The following ROBO1 variants were observed in gnomAD, a reference collection of about 807,000 sequenced individuals.
ROBO1 encodes the protein roundabout guidance receptor 1.
ROBO1 carries 149 observed loss-of-function variants against 195.9 expected under a neutral mutation model. The observed-to-expected ratio is 0.76, with a 90% CI of 0.67 to 0.87. ROBO1 has a LOEUF of 0.87. Among genes scored for constraint, ROBO1 ranks in the 40% least tolerant of loss-of-function variants. The pLI, the probability that ROBO1 is intolerant of heterozygous loss-of-function variation, is 0.00. For missense variants in ROBO1, 1,933 were observed against 2,068.3 expected, an observed-to-expected ratio of 0.93 and a Z score of 1.27; for synonymous variants, 816 against 733.2, an observed-to-expected ratio of 1.11 and a Z score of -1.82.
intron 1 of ROBO1, among the ~76,000 whole-genome samples, chr3:79,703,043 G>A (rs949218525): frequency 6.6e-6 from 1 of 151,868 alleles, no homozygotes; most frequent in Admixed American, 6.6e-5. Context: ...AGGAACCTTA[G>A]CATTGGCATC....
At chr3:79,301,691 AT>A (rs2032965208) in intron 2 of ROBO1, among the ~76,000 whole-genome samples, 1 of 152,234 alleles carries the variant, frequency 6.6e-6, no homozygotes, top group Admixed American at 6.5e-5. Flanking sequence ...GGAAGGAAAT[AT>A]ATAGTAAATA....
rs554966023 is a variant in ROBO1 at position 78,625,732 on chromosome 3, T to C, written c.3875+1589A>G. On this transcript the variant is annotated intron_variant, in intron 26 of 30. Transcript: ENST00000464233. Reference sequence around the variant, plus strand: ...ATCATGGCAGAAAGCATAAGTATGATACAAACTGAGAAGTCTTTACATTTG... The same window carrying C: ...ATCATGGCAGAAAGCATAAGTATGACACAAACTGAGAAGTCTTTACATTTG... Among the ~76,000 whole-genome samples the C allele has an allele frequency of 5.9e-5, 9 of 152,330 alleles. No homozygotes were observed. The East Asian group carries it at 1.7e-3, about 29-fold the overall frequency.
intron 21 of ROBO1, among the ~76,000 whole-genome samples, chr3:78,644,229 C>A (rs1273122639): frequency 6.6e-6 from 1 of 152,010 alleles, no homozygotes; most frequent in East Asian, 1.9e-4. Context: ...TTTATTTTTT[C>A]CGTAGCATTT....
chr3:78,985,889 C>T (rs1305994040), intron 3 of ROBO1, among the ~76,000 whole-genome samples: 2 of 152,066 alleles, frequency 1.3e-5, no homozygotes, highest in African/African-American at 4.8e-5. Context: ...CAAATATCAG[C>T]TATACAGAGT....
At position 79,124,591 on chromosome 3, in the gene ROBO1, C is replaced by T. The variant is rs577557656; in HGVS notation, c.172+865G>A. ...CTACCCCACCTCATACACACACAACCTATCCACACAGCTCACAACTTAGCA... is the reference window on the plus strand; with the variant it reads ...CTACCCCACCTCATACACACACAACTTATCCACACAGCTCACAACTTAGCA... On this transcript the variant is annotated intron_variant, in intron 3 of 30. Coordinates refer to ENST00000464233, the MANE Select transcript of ROBO1 (RefSeq NM_002941.4). Among the ~76,000 whole-genome samples, 4 of 152,236 alleles carry T rather than the reference C, an allele frequency of 2.6e-5. No individual in the cohort carries two copies. In the East Asian group the frequency reaches 7.7e-4, roughly 29 times the overall value.
chr3:78,763,687 G>A (rs2083159795), intron 4 of ROBO1, among the ~76,000 whole-genome samples: 1 of 151,910 alleles, frequency 6.6e-6, no homozygotes, highest in Admixed American at 6.6e-5. Context: ...TCTTATGTTA[G>A]TCTTTGAAAA....
At chr3:78,898,630 CT>C in intron 4 of ROBO1, among the ~76,000 whole-genome samples, 1 of 151,716 alleles carries the variant, frequency 6.6e-6, no homozygotes, top group East Asian at 1.9e-4. Context: ...ACCTCGTGAT[CT>C]GCCCACCTCG....
intron 3 of ROBO1, among the ~76,000 whole-genome samples, chr3:79,009,205 C>G (rs1326068729): frequency 1.3e-5 from 2 of 150,348 alleles, no homozygotes; most frequent in Middle Eastern, 3.2e-3. Flanking sequence ...CCACCCGCCT[C>G]AGCCTCCCAA....
At chr3:79,565,001 T>G (rs1207535154) in intron 2 of ROBO1, among the ~76,000 whole-genome samples, 3 of 152,108 alleles carry the variant, frequency 2.0e-5, no homozygotes, top group Non-Finnish European at 4.4e-5. Context: ...AAAATACAGA[T>G]TTCAATTCAA....
intron 4 of ROBO1, among the ~76,000 whole-genome samples, chr3:78,815,437 T>C (rs976681203): frequency 6.6e-6 from 1 of 152,096 alleles, no homozygotes; most frequent in Non-Finnish European, 1.5e-5. Flanking sequence ...AAAGTTCTAG[T>C]GATCTACATA....
chr3:78,788,217 G>A (rs2083902859), intron 4 of ROBO1, among the ~76,000 whole-genome samples: 1 of 151,344 alleles, frequency 6.6e-6, no homozygotes, highest in African/African-American at 2.4e-5. Flanking sequence ...CTGGGTTCAC[G>A]CCATTCTCCT....
At chr3:78,773,494 G>T (rs991450174) in intron 4 of ROBO1, among the ~76,000 whole-genome samples, 1 of 151,984 alleles carries the variant, frequency 6.6e-6, no homozygotes, top group African/African-American at 2.4e-5. Context: ...GCCTAAAAGA[G>T]ATTTAAAAAT....
At chr3:79,545,493 A>G (rs751793582) in intron 2 of ROBO1, among the ~76,000 whole-genome samples, 14 of 152,212 alleles carry the variant, frequency 9.2e-5, no homozygotes, top group Non-Finnish European at 1.8e-4. Context: ...TCAGCCACTT[A>G]CTGATTCTAT....
At chr3:78,654,297 T>C (rs567342711) in intron 18 of ROBO1, among the ~76,000 whole-genome samples, 3 of 152,322 alleles carry the variant, frequency 2.0e-5, no homozygotes, top group Non-Finnish European at 4.4e-5. Flanking sequence ...GTTTGCTTTG[T>C]TCTTTAACAG....
chr3:79,760,624 A>AC (rs1427094339), intron 1 of ROBO1, among the ~76,000 whole-genome samples: 1 of 151,494 alleles, frequency 6.6e-6, no homozygotes, highest in East Asian at 1.9e-4. Context: ...AAAAAAAAAA[A>AC]ACCTGAATGT....
chr3:78,886,717 C>G (rs561734081), intron 4 of ROBO1, among the ~76,000 whole-genome samples: 4 of 152,058 alleles, frequency 2.6e-5, no homozygotes, highest in African/African-American at 9.6e-5. Context: ...TATGAATCTC[C>G]AAAACATAAT....
rs764704436 is a variant in ROBO1, at chr3:78,600,304, T to A, written c.4750A>T (p.Ile1584Phe). 3.8e-6 allele frequency: 6 copies of A among 1,595,546 alleles called. No individual in the cohort carries two copies. Among genetic ancestry groups the A allele is most frequent in the Non-Finnish European group, 3.4e-6 (4 of 1,163,436 alleles). ...PAKTHLIQEDILPYCRPTFPT... is the reference protein window; with the variant it reads ...PAKTHLIQEDFLPYCRPTFPT... ...AAAGTAGGTCTACAATAAGGTAGAA[T>A]ATCCTCTGTGTAATGAAATATAATA... Residue 1584 changes from isoleucine (I) to phenylalanine (F), a missense_variant, in exon 30 of 31, where the codon ATT becomes TTT. Coordinates refer to ENST00000464233, the MANE Select transcript of ROBO1 (RefSeq NM_002941.4).
intron 4 of ROBO1, among the ~76,000 whole-genome samples, chr3:78,832,032 G>C (rs1277070606): frequency 6.6e-6 from 1 of 152,106 alleles, no homozygotes; most frequent in African/African-American, 2.4e-5. Flanking sequence ...AATGATAAAT[G>C]AAACAACTTT....
chr3:79,611,190 A>T (rs1944645540), intron 1 of ROBO1, among the ~76,000 whole-genome samples: 1 of 140,684 alleles, frequency 7.1e-6, no homozygotes, highest in Non-Finnish European at 1.5e-5. Flanking sequence ...ACAAATAGGC[A>T]TCTTTTAATA....
Sources: gnomAD v4.1 joint callset for allele counts (sites outside exome capture counted in the v4.1 genomes callset) on GRCh38, gnomAD v4.1.1 for gene constraint, MANE v1.5 for transcripts, NCBI Gene and HGNC (gene_info 2026-07-23, HGNC 2026-07-21) for gene names.